Variants in DPYSL3 observed in about 807,000 individuals in gnomAD.
The protein encoded by DPYSL3 is dihydropyrimidinase like 3, also known as dihydropyrimidinase-related protein 3.
DPYSL3 carries 16 observed loss-of-function variants against 66.1 expected under a neutral mutation model. The ratio of observed to expected loss-of-function variants is 0.24; its 90% CI spans 0.16 to 0.37. The LOEUF (loss-of-function observed/expected upper bound fraction) is 0.37, where lower values mean the gene tolerates loss of function less well. Ranked by LOEUF, DPYSL3 falls within the 10% of genes least tolerant of loss-of-function variation. The probability of loss-of-function intolerance (pLI) is 1.00; values close to 1 mark genes in which losing one functional copy is unlikely to be tolerated. For missense variants in DPYSL3, 738 were observed against 916.2 expected (o/e 0.81, Z 2.51); for synonymous variants, 338 against 345.1 (o/e 0.98, Z 0.23).
chr5:147,428,793 C>T (rs369152943), intron 1 of DPYSL3, among the ~76,000 whole-genome samples: 4 of 151,402 alleles, frequency 2.6e-5, no homozygotes, highest in Non-Finnish European at 4.4e-5. Flanking sequence ...CACTGGGGCC[C>T]GTCACGGTGG....
chr5:147,431,667 G>A (rs1459732605), intron 1 of DPYSL3, among the ~76,000 whole-genome samples: 2 of 152,074 alleles, frequency 1.3e-5, no homozygotes, highest in African/African-American at 2.4e-5. Context: ...TTGCCATAAA[G>A]GGAATTCCAG....
chr5:147,410,952 C>T (rs951748881), intron 6 of DPYSL3, among the ~76,000 whole-genome samples: 1 of 152,188 alleles, frequency 6.6e-6, no homozygotes, highest in African/African-American at 2.4e-5. Context: ...ACCAGAGAAA[C>T]TTCCACTCTA....
At chr5:147,424,282 T>C (rs945669702) in intron 2 of DPYSL3, among the ~76,000 whole-genome samples, 1 of 152,234 alleles carries the variant, frequency 6.6e-6, no homozygotes, top group African/African-American at 2.4e-5. Context: ...TAGTGTACTT[T>C]GTTTTTTGTG....
At position 147,419,504 on chromosome 5, in the gene DPYSL3, G is replaced by A. The variant is rs575765002; in HGVS notation, c.471-873C>T. On this transcript the variant is annotated intron_variant, in intron 2 of 13. Coordinates refer to ENST00000343218, the MANE Select transcript of DPYSL3 (RefSeq NM_001197294.2). ...TCAGCCAGTATTGCTTGGCTTATAC[G>A]TGGTATCACATTTTTGATTAAAATA... Among the ~76,000 whole-genome samples the A allele has an allele frequency of 5.3e-5, 8 of 152,330 alleles. No individual in the cohort carries two copies. In the South Asian group the frequency reaches 1.2e-3, roughly 24 times the overall value.
chr5:147,417,684 A>G (rs919095525), intron 3 of DPYSL3, among the ~76,000 whole-genome samples: 1 of 152,114 alleles, frequency 6.6e-6, no homozygotes, highest in South Asian at 2.1e-4. Flanking sequence ...CTGGAATGCT[A>G]TTGGTTCAGT....
intron 6 of DPYSL3, among the ~76,000 whole-genome samples, chr5:147,409,739 C>T (rs1159148805): frequency 6.6e-6 from 1 of 152,138 alleles, no homozygotes; most frequent in Non-Finnish European, 1.5e-5. Flanking sequence ...TCCCTATGAA[C>T]CTCTGCACCA....
chr5:147,408,623 T>C (rs1307294319), intron 7 of DPYSL3, 105 bp downstream of exon 7: 8 of 1,259,114 alleles, frequency 6.4e-6, no homozygotes, highest in Non-Finnish European at 9.2e-6. Context: ...GAAGTGGTCT[T>C]TGGAAGAAAT....
intron 1 of DPYSL3, among the ~76,000 whole-genome samples, chr5:147,432,807 T>C (rs1752338907): frequency 6.6e-6 from 1 of 152,224 alleles, no homozygotes; most frequent in South Asian, 2.1e-4. Context: ...GAAAACACTA[T>C]CTTAGTCTCA....
chr5:147,420,564 A>G (rs1008326276), intron 2 of DPYSL3, among the ~76,000 whole-genome samples: 3 of 152,202 alleles, frequency 2.0e-5, no homozygotes, highest in Non-Finnish European at 2.9e-5. Flanking sequence ...TGAGTCCAAT[A>G]TCTCAAAAAA....
Position 147,418,705 on chromosome 5 carries a change from G to C in DPYSL3, c.471-74C>G, listed in dbSNP as rs926818019. The C allele has an allele frequency of 6.7e-6, 9 of 1,333,470 alleles. No homozygotes were observed. In the South Asian group the frequency reaches 9.3e-5, roughly 14 times the overall value. The allele number at this position is 1,333,470 out of a possible 1,614,324, so 82.6% of individuals were successfully genotyped here. A position where few individuals can be genotyped will look rare whatever the true frequency, so the allele number is the denominator to read the frequency against. Reference sequence around the variant, plus strand: ...AAGTGCAATTTCCAAGACAAATATAGTGGTATAAGGATTTTAAACAGTGTT... The same window carrying C: ...AAGTGCAATTTCCAAGACAAATATACTGGTATAAGGATTTTAAACAGTGTT... On this transcript the variant is annotated intron_variant, in intron 2 of 13. Coordinates refer to ENST00000343218, the MANE Select transcript of DPYSL3 (RefSeq NM_001197294.2).
chr5:147,500,579 A>G (rs1753591387), intron 1 of DPYSL3, among the ~76,000 whole-genome samples: 1 of 148,570 alleles, frequency 6.7e-6, no homozygotes, highest in South Asian at 2.1e-4. Flanking sequence ...GCACCACTAC[A>G]CTCCAGCCTG....
In DPYSL3 at chr5:147,509,827, G is replaced by C. The variant is rs1203140828; in HGVS notation, c.32C>G (p.Ser11Cys). 2 of 1,535,464 alleles carry C rather than the reference G, an allele frequency of 1.3e-6. No individual in the cohort carries two copies. The highest frequency in any genetic ancestry group is 1.7e-6 in the Non-Finnish European group (2 of 1,146,580). Reference protein sequence around the residue: MASGRRGWDSSHEDDLPVYLA... With the variant: MASGRRGWDSCHEDDLPVYLA... ...GTACACGGGCAGATCGTCTTCGTGG[G>C]AGCTGTCCCAGCCCCTCCGGCCCGA... is the stretch of plus-strand genomic sequence containing the variant. The change falls in exon 1 of 14, where the codon TCC (serine) becomes TGC (cysteine). Residue 11 changes from serine (S) to cysteine (C), a missense_variant. Transcript: ENST00000343218. The surrounding 1 kb of genome is among the most constrained non-coding windows in gnomAD (Gnocchi z 5.3).
At chr5:147,439,419 T>C (rs1752488997) in intron 1 of DPYSL3, among the ~76,000 whole-genome samples, 1 of 150,250 alleles carries the variant, frequency 6.7e-6, no homozygotes, top group Non-Finnish European at 1.5e-5. Context: ...GAGCTGGACA[T>C]GAAAGTGTCA....
intron 1 of DPYSL3, chr5:147,453,625 C>CCTT (rs778474557): frequency 1.1e-5 from 16 of 1,523,370 alleles, no homozygotes; most frequent in South Asian, 8.7e-5. Flanking sequence ...CTCCCTCCCT[C>CCTT]CTTCTTCTGC....
chr5:147,442,940 A>G (rs1231206127), intron 1 of DPYSL3, among the ~76,000 whole-genome samples: 2 of 152,004 alleles, frequency 1.3e-5, no homozygotes, highest in Non-Finnish European at 2.9e-5. Context: ...ATTGTTTGTG[A>G]TTTTGGTAAA....
intron 1 of DPYSL3, among the ~76,000 whole-genome samples, chr5:147,459,882 G>A (rs1752907607): frequency 6.6e-6 from 1 of 152,170 alleles, no homozygotes; most frequent in Non-Finnish European, 1.5e-5. Context: ...AGGCAGAGGT[G>A]GGCGGGTCAT....
chr5:147,496,038 T>A (rs1441272234), intron 1 of DPYSL3, among the ~76,000 whole-genome samples: 2 of 152,194 alleles, frequency 1.3e-5, no homozygotes, highest in African/African-American at 4.8e-5. Flanking sequence ...ATGGTACTGG[T>A]ACCAAAACAG....
At chr5:147,412,793 G>A (rs999558013) in intron 5 of DPYSL3, 105 bp from the exon 6 acceptor site, 2 of 980,380 alleles carry the variant, frequency 2.0e-6, no homozygotes, top group Admixed American at 2.0e-5. Context: ...TAAAGCAGAG[G>A]AAATAAGTCA....
intron 1 of DPYSL3, among the ~76,000 whole-genome samples, chr5:147,496,430 T>C (rs1249486036): frequency 6.6e-6 from 1 of 151,840 alleles, no homozygotes. Flanking sequence ...GCTTCTGCAC[T>C]GCAAAAGAAA....
Sources: allele counts gnomAD v4.1 joint callset (sites outside exome capture counted in the v4.1 genomes callset), GRCh38; gene constraint gnomAD v4.1.1; non-coding constraint Gnocchi (gnomAD v3.1); transcripts MANE v1.5; gene names NCBI Gene and HGNC (gene_info 2026-07-23, HGNC 2026-07-21).